DST: variants seen among roughly 807,000 people sequenced by gnomAD.
DST encodes the protein dystonin.
Under a neutral mutation model 875.2 loss-of-function variants are expected in DST, and 253 were observed. The observed-to-expected ratio is 0.29, with a 90% CI of 0.26 to 0.32. The LOEUF is 0.32. Among genes scored for constraint, DST ranks in the 10% least tolerant of loss-of-function variants. The probability of loss-of-function intolerance (pLI) is 1.00; values close to 1 mark genes in which losing one functional copy is unlikely to be tolerated. For synonymous variants in DST, 3,124 were observed against 3,197.1 expected (o/e 0.98, Z 0.77); for missense variants, 8,287 against 9,111.6 (o/e 0.91, Z 3.68).
intron 4 of DST, among the ~76,000 whole-genome samples, chr6:56,812,109 A>AAAAAAAAAAGAAAAG (rs1554158454): frequency 1.9e-4 from 21 of 111,822 alleles, no homozygotes; most frequent in African/African-American, 5.7e-4. Context: ...CTCAAAAAAA[A>AAAAAAAAAAGAAAAG]AAAAGAAAAG....
chr6:56,482,148 G>A lies in DST; in HGVS notation c.21433C>T (p.Leu7145Phe), dbSNP rs770745821. ...AEEFHSVVHA[L>F]LEWLAEAEQT... ...TCCGCCTCAGCCAGCCACTCCAAGAGGGCATGTACCACCGAGTGGAATTCC... is the reference window on the plus strand; with the variant it reads ...TCCGCCTCAGCCAGCCACTCCAAGAAGGCATGTACCACCGAGTGGAATTCC... Residue 7145 changes from leucine to phenylalanine, a missense_variant, in exon 90 of 104, where the codon CTC (leucine) becomes TTC (phenylalanine). Leu to Phe is a conservative substitution (Grantham distance 22). Coordinates refer to ENST00000680361, the MANE Select transcript of DST (RefSeq NM_001374736.1). 1.2e-6 allele frequency: 2 copies of A among 1,612,288 alleles called. No individual in the cohort carries two copies. Among genetic ancestry groups the A allele is most frequent in the South Asian group, 2.2e-5 (2 of 90,980 alleles).
intron 4 of DST, among the ~76,000 whole-genome samples, chr6:56,829,523 C>T (rs952668050): frequency 1.3e-5 from 2 of 152,000 alleles, no homozygotes; most frequent in Non-Finnish European, 2.9e-5. Flanking sequence ...GGCTGGAAGG[C>T]ATTTTAAAAG....
intron 15 of DST, 105 bp from the exon 16 acceptor site, chr6:56,642,608 C>A: frequency 6.2e-7 from 1 of 1,614,038 alleles, no homozygotes; most frequent in South Asian, 1.1e-5. Flanking sequence ...AATCCCACAC[C>A]AATGATTCAA....
At chr6:56,707,923 A>G (rs979415602) in intron 5 of DST, among the ~76,000 whole-genome samples, 1 of 152,188 alleles carries the variant, frequency 6.6e-6, no homozygotes, top group African/African-American at 2.4e-5. Context: ...TAATCCTAGC[A>G]CTTTGGGAGG....
chr6:56,855,442 G>A (rs1012445869), intron 3 of DST, among the ~76,000 whole-genome samples: 5 of 152,106 alleles, frequency 3.3e-5, no homozygotes, highest in Non-Finnish European at 5.9e-5. Flanking sequence ...CCAATTTTTG[G>A]TGAATCAGTA....
At position 56,928,919 on chromosome 6, in the gene DST, A is replaced by C. The variant is rs1037390927; in HGVS notation, c.216+24866T>G. 3.3e-5 allele frequency among the ~76,000 whole-genome samples: 5 copies of C among 152,302 alleles called. No homozygotes were observed. The East Asian group carries it at 9.6e-4, about 29-fold the overall frequency. On this transcript the variant is annotated intron_variant, in intron 2 of 103. Transcript: ENST00000680361. ...CAAAAAAGAAGAGTTGAACTAACAG[A>C]AAAGTATACCTACTGATAGGAAAAC... is the stretch of plus-strand genomic sequence containing the variant.
intron 36 of DST, among the ~76,000 whole-genome samples, chr6:56,621,429 C>T (rs2098689828): frequency 6.6e-6 from 1 of 152,172 alleles, no homozygotes; most frequent in African/African-American, 2.4e-5. Context: ...GTCCTGATGG[C>T]TCTGGAAAAG....
At chr6:56,781,327 C>G (rs2099693360) in intron 4 of DST, among the ~76,000 whole-genome samples, 1 of 152,124 alleles carries the variant, frequency 6.6e-6, no homozygotes, top group African/African-American at 2.4e-5. Flanking sequence ...TGGCCATTTT[C>G]AAGATATTGA....
At chr6:56,681,590 C>T (rs556892724) in intron 9 of DST, among the ~76,000 whole-genome samples, 1 of 152,272 alleles carries the variant, frequency 6.6e-6, no homozygotes, top group African/African-American at 2.4e-5. Flanking sequence ...GGTATAATAG[C>T]AGTACCTCTT....
chr6:56,499,042 G>C (rs1297966983), intron 80 of DST, among the ~76,000 whole-genome samples: 2 of 152,148 alleles, frequency 1.3e-5, no homozygotes, highest in Admixed American at 6.6e-5. Flanking sequence ...TTTACTGAAT[G>C]AGTATAGCCT....
chr6:56,745,016 G>A (rs1266392423), intron 4 of DST, among the ~76,000 whole-genome samples: 1 of 152,020 alleles, frequency 6.6e-6, no homozygotes, highest in Non-Finnish European at 1.5e-5. Flanking sequence ...TCTGTGGAAG[G>A]ACAGACTTAG....
intron 3 of DST, among the ~76,000 whole-genome samples, chr6:56,893,562 C>CTTTTTTTTTTTTTT (rs1282483681): frequency 1.3e-3 from 46 of 35,902 alleles, no homozygotes; most frequent in Middle Eastern, 0.02. Flanking sequence ...ACTTTTAGTT[C>CTTTTTTTTTTTTTT]TTTTTTTTTT....
Position 56,536,429 on chromosome 6 carries a change from C to T in DST, c.16770+350G>A, listed in dbSNP as rs2097000253. Among the ~76,000 whole-genome samples, 2 of 152,214 alleles carry T rather than the reference C, an allele frequency of 1.3e-5. 1 individual carries two copies. On this transcript the variant is annotated intron_variant, in intron 62 of 103. Coordinates refer to ENST00000680361, the MANE Select transcript of DST (RefSeq NM_001374736.1). Reference sequence around the variant, plus strand: ...TGAAAGTAAACAGAATATCTGGCAACAGTGGGCCTACATGCCTACATGTCA... The same window carrying T: ...TGAAAGTAAACAGAATATCTGGCAATAGTGGGCCTACATGCCTACATGTCA...
intron 47 of DST, among the ~76,000 whole-genome samples, chr6:56,595,631 A>G (rs1284306342): frequency 6.6e-6 from 1 of 152,178 alleles, no homozygotes; most frequent in Non-Finnish European, 1.5e-5. Context: ...TCTGATCCCA[A>G]TTAGTCAGCT....
chr6:56,547,835 G>T (rs2097255715), intron 61 of DST, among the ~76,000 whole-genome samples: 1 of 152,214 alleles, frequency 6.6e-6, no homozygotes, highest in Non-Finnish European at 1.5e-5. Flanking sequence ...CTGGACCAGA[G>T]AAAATTTATT....
At position 56,672,071 on chromosome 6, in the gene DST, T is replaced by TA. The variant is rs1245704503; in HGVS notation, c.1048-1265dup. Among the ~76,000 whole-genome samples, 53 of 151,294 alleles carry TA rather than the reference T, an allele frequency of 3.5e-4. 1 individual carries two copies. Among genetic ancestry groups the TA allele is most frequent in the Middle Eastern group, 3.4e-3 (1 of 292 alleles). On this transcript the variant is annotated intron_variant, in intron 9 of 103. Transcript: ENST00000680361. ...AGTCAAGCAACTGAAAGTAGAGAATTAAAAAAAAACTCCAAAGAAAACCTG... is the reference window on the plus strand; with the variant it reads ...AGTCAAGCAACTGAAAGTAGAGAATTAAAAAAAAAACTCCAAAGAAAACCTG...
At chr6:56,836,800 A>G (rs71564862) in intron 4 of DST, among the ~76,000 whole-genome samples, 28,168 of 147,672 alleles carry the variant, frequency 0.19, 3,194 homozygotes, top group African/African-American at 0.29. Flanking sequence ...GCAGTGAGCC[A>G]AGATTGCGCC....
intron 51 of DST, among the ~76,000 whole-genome samples, chr6:56,573,393 G>A (rs2152616564): frequency 6.6e-6 from 1 of 152,320 alleles, no homozygotes; most frequent in African/African-American, 2.4e-5. Flanking sequence ...TTAACCTCAT[G>A]TGCAGCTGGC....
At chr6:56,847,154 T>TA (rs988494521) in intron 4 of DST, among the ~76,000 whole-genome samples, 1 of 151,240 alleles carries the variant, frequency 6.6e-6, no homozygotes, top group Non-Finnish European at 1.5e-5. Context: ...CCCATCTCTA[T>TA]AAAAAAAAAT....
Sources: allele counts gnomAD v4.1 joint callset (sites outside exome capture counted in the v4.1 genomes callset), GRCh38; gene constraint gnomAD v4.1.1; transcripts MANE v1.5; gene names NCBI Gene and HGNC (gene_info 2026-07-23, HGNC 2026-07-21).